MICU1: variants seen among roughly 807,000 people sequenced by gnomAD.
MICU1 encodes the protein mitochondrial calcium uptake 1.
MICU1 carries 45 observed loss-of-function variants against 56.8 expected under a neutral mutation model. The ratio of observed to expected loss-of-function variants is 0.79; its 90% CI spans 0.62 to 1.02. The LOEUF is 1.02. MICU1 is among the 50% of genes least tolerant of loss of function. MICU1 has a pLI of 0.00. For synonymous variants in MICU1, 186 were observed against 195.1 expected, an observed-to-expected ratio of 0.95 and a Z score of 0.39; for missense variants, 504 against 587.1, an observed-to-expected ratio of 0.86 and a Z score of 1.46.
intron 8 of MICU1, among the ~76,000 whole-genome samples, chr10:72,438,837 A>C (rs1014908382): frequency 9.9e-5 from 15 of 152,206 alleles, no homozygotes; most frequent in African/African-American, 3.6e-4. Flanking sequence ...ACACCCTCCT[A>C]AGACTAAACA....
At chr10:72,604,526 GCCTCCCA>G (rs1241059881) in intron 1 of MICU1, among the ~76,000 whole-genome samples, 1 of 151,184 alleles carries the variant, frequency 6.6e-6, no homozygotes, top group Non-Finnish European at 1.5e-5. Flanking sequence ...GCCCACCTTG[GCCTCCCA>G]AAGTGTTGGG....
chr10:72,450,770 G>GC (rs1449467072), intron 8 of MICU1, among the ~76,000 whole-genome samples: 1 of 147,774 alleles, frequency 6.8e-6, no homozygotes, highest in African/African-American at 2.5e-5. Flanking sequence ...TCTCATCCAG[G>GC]CTGGAGTGCA....
At chr10:72,435,355 T>TCCAC (rs1451338066) in intron 8 of MICU1, among the ~76,000 whole-genome samples, 1 of 115,600 alleles carries the variant, frequency 8.7e-6, no homozygotes, top group Non-Finnish European at 1.6e-5. Flanking sequence ...GCCACTGCAC[T>TCCAC]CCACCCTGGG....
Position 72,508,136 on chromosome 10 carries a change from A to T in MICU1, c.652+19T>A. On this transcript the variant is annotated intron_variant, in intron 6 of 11. Transcript: ENST00000361114. ...CTGTATCTGCTCTACAAATGGAAAA[A>T]GAAAACGTTTATACTTACTGGAAAG... 7.5e-7 allele frequency: 1 copy of T among 1,338,386 alleles called. No homozygotes were observed. The highest frequency in any genetic ancestry group is 1.0e-6 in the Non-Finnish European group (1 of 994,760). The allele number at this position is 1,338,386 out of a possible 1,614,324, so 82.9% of individuals were successfully genotyped here.
chr10:72,468,544 C>T (rs951022358), intron 8 of MICU1, among the ~76,000 whole-genome samples: 1 of 151,348 alleles, frequency 6.6e-6, no homozygotes, highest in Non-Finnish European at 1.5e-5. Flanking sequence ...TTTTAAAAAC[C>T]AACCTTATAT....
At chr10:72,457,878 G>A (rs1865521330) in intron 8 of MICU1, among the ~76,000 whole-genome samples, 1 of 152,092 alleles carries the variant, frequency 6.6e-6, no homozygotes, top group Admixed American at 6.6e-5. Context: ...TCCATGAAAA[G>A]TATTTCTAGG....
chr10:72,572,787 C>CA (rs544136017), intron 1 of MICU1, among the ~76,000 whole-genome samples: 530 of 152,064 alleles, frequency 3.5e-3, no homozygotes, highest in Non-Finnish European at 6.3e-3. Flanking sequence ...ATCAAACGGG[C>CA]AAAAATCAAA....
intron 8 of MICU1, among the ~76,000 whole-genome samples, chr10:72,444,022 C>G (rs1174819826): frequency 2.6e-5 from 4 of 151,614 alleles, no homozygotes; most frequent in Admixed American, 6.6e-5. Flanking sequence ...CACATATACA[C>G]CATGGAATAC....
At chr10:72,502,500 C>T (rs544582699) in intron 6 of MICU1, among the ~76,000 whole-genome samples, 11 of 152,296 alleles carry the variant, frequency 7.2e-5, no homozygotes, top group Non-Finnish European at 2.9e-5. Context: ...AGAAATATGG[C>T]GGTCCCACAG....
chr10:72,381,986 AC>A (rs1303508681), intron 10 of MICU1, among the ~76,000 whole-genome samples: 9 of 151,774 alleles, frequency 5.9e-5, no homozygotes, highest in African/African-American at 1.7e-4. Context: ...ACACACACAC[AC>A]ACACACACAC....
At chr10:72,466,024 A>T (rs764721580) in intron 8 of MICU1, among the ~76,000 whole-genome samples, 2 of 152,168 alleles carry the variant, frequency 1.3e-5, no homozygotes, top group Non-Finnish European at 2.9e-5. Context: ...TTCCTTATTA[A>T]GTTGAGAACT....
chr10:72,422,243 TGTGTGAG>T (rs756941518), intron 9 of MICU1, among the ~76,000 whole-genome samples: 14 of 152,192 alleles, frequency 9.2e-5, no homozygotes, highest in Middle Eastern at 3.2e-3. Context: ...GAGGAAAGCC[TGTGTGAG>T]GACACATTGA....
At chr10:72,490,345 T>G (rs1259672043) in intron 6 of MICU1, among the ~76,000 whole-genome samples, 3 of 152,140 alleles carry the variant, frequency 2.0e-5, no homozygotes, top group Admixed American at 1.3e-4. Context: ...GACACAAGAT[T>G]TTGATGTCAA....
intron 5 of MICU1, among the ~76,000 whole-genome samples, chr10:72,531,995 G>C (rs1189403484): frequency 6.6e-6 from 1 of 150,470 alleles, no homozygotes; most frequent in Non-Finnish European, 1.5e-5. Context: ...CTGCCTCCTG[G>C]GTTCAAGTGA....
At chr10:72,569,238 T>TTTTTTTTTTTTA (rs1840543834) in intron 1 of MICU1, among the ~76,000 whole-genome samples, 1 of 29,784 alleles carries the variant, frequency 3.4e-5, no homozygotes, top group Non-Finnish European at 7.4e-5. Flanking sequence ...TATATATATA[T>TTTTTTTTTTTTA]TTTTTTTTTT....
chr10:72,470,432 T>C (rs926720308), intron 8 of MICU1, among the ~76,000 whole-genome samples: 1 of 152,162 alleles, frequency 6.6e-6, no homozygotes, highest in East Asian at 1.9e-4. Flanking sequence ...ATTTGGCTCA[T>C]GGTTTTGGAG....
chr10:72,457,821 C>T (rs1335271686), intron 8 of MICU1, among the ~76,000 whole-genome samples: 2 of 151,980 alleles, frequency 1.3e-5, no homozygotes, highest in African/African-American at 2.4e-5. Context: ...AAGCTGCTTC[C>T]AAAATTTCTC....
chr10:72,479,458 C>T (rs567914220), intron 6 of MICU1, among the ~76,000 whole-genome samples: 1 of 152,322 alleles, frequency 6.6e-6, no homozygotes, highest in African/African-American at 2.4e-5. Flanking sequence ...CTGTGTTATG[C>T]TCAGGAGTTT....
rs113361246 is a variant in MICU1 at position 72,478,600 on chromosome 10, T to C, written c.653-1344A>G. Among the ~76,000 whole-genome samples the C allele has an allele frequency of 6.2e-3, 947 of 152,344 alleles. 9 individuals are homozygous for C. Among genetic ancestry groups the C allele is most frequent in the African/African-American group, 0.021 (893 of 41,576 alleles). ...AGAGAAAAAAGTAAAATGAACTTTG[T>C]ATATTATGTATAATTGTTAGAGAGG... On this transcript the variant is annotated intron_variant, in intron 6 of 11. Transcript: ENST00000361114.
Sources: gnomAD v4.1 joint callset for allele counts (sites outside exome capture counted in the v4.1 genomes callset) on GRCh38, gnomAD v4.1.1 for gene constraint, MANE v1.5 for transcripts, NCBI Gene and HGNC (gene_info 2026-07-23, HGNC 2026-07-21) for gene names.